MIER1: variants seen among roughly 807,000 people sequenced by gnomAD.
The protein encoded by MIER1 is MIER1 transcriptional regulator.
In MIER1, 40 loss-of-function variants were observed where a neutral mutation model predicts 75.7. That is an observed-to-expected ratio of 0.53 (90% CI 0.41 to 0.69). The LOEUF is 0.69. Ranked by LOEUF, MIER1 falls within the 30% of genes least tolerant of loss-of-function variation. The probability of loss-of-function intolerance (pLI) is 0.00; values close to 1 mark genes in which losing one functional copy is unlikely to be tolerated. For missense variants in MIER1, 574 were observed against 680.2 expected (o/e 0.84, Z 1.74); for synonymous variants, 213 against 223.4 (o/e 0.95, Z 0.42).
At chr1:66,947,356 T>C (rs1322154307) in intron 4 of MIER1, 2 of 152,220 alleles carry the variant, frequency 1.3e-5, no homozygotes, top group African/African-American at 2.4e-5. Context: ...AAATTATAAA[T>C]GTCCAAAACA....
At chr1:66,984,458 C>T in intron 13 of MIER1, 114 bp from the exon 14 acceptor site, 1 of 734,430 alleles carries the variant, frequency 1.4e-6, no homozygotes, top group Non-Finnish European at 2.2e-6. Context: ...AGAATTTAGA[C>T]TATGTATTTG....
intron 13 of MIER1, 45 bp downstream of exon 13, chr1:66,981,963 A>T (rs758159935): frequency 1.2e-6 from 2 of 1,600,650 alleles, no homozygotes. Flanking sequence ...AATAAGGGAC[A>T]CTTTCTTGCA....
intron 4 of MIER1, among the ~76,000 whole-genome samples, chr1:66,953,924 T>G (rs1157106975): frequency 6.6e-6 from 1 of 152,140 alleles, no homozygotes; most frequent in Non-Finnish European, 1.5e-5. Context: ...TTTTCTTGAT[T>G]GAATAAGTAA....
In MIER1 at chr1:66,971,831, G is replaced by T. The variant is rs185562157; in HGVS notation, c.1006+95G>T. On this transcript the variant is annotated intron_variant, in intron 10 of 13. Coordinates refer to ENST00000401041, the MANE Select transcript of MIER1 (RefSeq NM_001077700.3). ...GGTATAGCCTAAACTTAATAATACT[G>T]ATTTTTCTGAGTTTGATAAATATTT... 14 of 593,938 alleles carry T rather than the reference G, an allele frequency of 2.4e-5. No homozygotes were observed. The Admixed American group carries it at 4.0e-4, about 17-fold the overall frequency. 36.8% of individuals were successfully genotyped at this position (593,938 alleles called of 1,614,324 possible). A position where few individuals can be genotyped will look rare whatever the true frequency, so the allele number is the denominator to read the frequency against.
intron 2 of MIER1, among the ~76,000 whole-genome samples, chr1:66,938,491 A>G (rs1324082734): frequency 6.6e-6 from 1 of 152,232 alleles, no homozygotes; most frequent in Admixed American, 6.5e-5. Flanking sequence ...TAACTGCGTG[A>G]AACACAAGTG....
At chr1:66,965,430 G>A (rs572996529) in intron 8 of MIER1, among the ~76,000 whole-genome samples, 72 of 151,730 alleles carry the variant, frequency 4.7e-4, no homozygotes, top group Admixed American at 2.4e-3. Context: ...TAGTTTTATT[G>A]CAGTATACTT....
At chr1:66,981,125 C>G (rs897980616) in intron 12 of MIER1, among the ~76,000 whole-genome samples, 6 of 152,180 alleles carry the variant, frequency 3.9e-5, no homozygotes, top group South Asian at 4.2e-4. Flanking sequence ...AGGTGATACA[C>G]TAAACCTGAG....
chr1:66,934,165 A>G (rs186481871), intron 2 of MIER1, among the ~76,000 whole-genome samples: 22 of 152,336 alleles, frequency 1.4e-4, no homozygotes, highest in African/African-American at 4.8e-4. Flanking sequence ...AAATTTAAAC[A>G]TATCCCATGC....
chr1:66,944,154 C>A (rs531909515), intron 3 of MIER1, among the ~76,000 whole-genome samples: 27 of 152,032 alleles, frequency 1.8e-4, no homozygotes, highest in Non-Finnish European at 1.6e-4. Context: ...AACTGAAGAA[C>A]CCTAAGCTTT....
chr1:66,973,068 A>G (rs1300624902), intron 11 of MIER1, 77 bp downstream of exon 11: 2 of 778,920 alleles, frequency 2.6e-6, no homozygotes, highest in Non-Finnish European at 4.4e-6. Context: ...GTAATTTGTT[A>G]TATTGTCTAG....
chr1:66,951,611 C>T (rs1005409884), intron 4 of MIER1, among the ~76,000 whole-genome samples: 7 of 151,700 alleles, frequency 4.6e-5, no homozygotes, highest in Non-Finnish European at 1.0e-4. Context: ...GACAGGGTCT[C>T]GTTCTGTCGC....
At position 66,986,927 on chromosome 1, in the gene MIER1, T is replaced by G. The variant is rs1016589612; in HGVS notation, c.*2027T>G. On this transcript the variant is annotated 3_prime_UTR_variant, in exon 14 of 14. Coordinates refer to ENST00000401041, the MANE Select transcript of MIER1 (RefSeq NM_001077700.3). ...TTTTTAAAGATTAGGGATGCTGTACTTTTTGAATTGTTGCAGTGTTGGAGA... is the reference window on the plus strand; with the variant it reads ...TTTTTAAAGATTAGGGATGCTGTACGTTTTGAATTGTTGCAGTGTTGGAGA... 1.5e-5 allele frequency: 2 copies of G among 133,992 alleles called. No homozygotes were observed. The highest frequency in any genetic ancestry group is 6.5e-5 in the African/African-American group (2 of 30,756). The allele number at this position is 133,992 out of a possible 1,614,324, so 8.3% of individuals were successfully genotyped here.
intron 7 of MIER1, 121 bp from the exon 8 acceptor site, chr1:66,962,967 G>A (rs1661558683): frequency 1.6e-6 from 1 of 610,882 alleles, no homozygotes; most frequent in South Asian, 2.2e-5. Flanking sequence ...GTAGTTAATT[G>A]GTTGTTTTTG....
chr1:66,948,376 AT>A, intron 4 of MIER1: 1 of 341,618 alleles, frequency 2.9e-6, no homozygotes, highest in East Asian at 1.7e-4. Context: ...ATGTCTCATA[AT>A]TTTAGTTTGT....
chr1:66,929,383 C>T (rs1020352475), intron 2 of MIER1, among the ~76,000 whole-genome samples: 13 of 152,172 alleles, frequency 8.5e-5, no homozygotes, highest in Admixed American at 2.0e-4. Flanking sequence ...GTTTTAATGT[C>T]ACCTTTGTGT....
chr1:66,980,700 T>G (rs932230766), intron 12 of MIER1, among the ~76,000 whole-genome samples: 1 of 152,126 alleles, frequency 6.6e-6, no homozygotes, highest in African/African-American at 2.4e-5. Flanking sequence ...TTTATTGAGT[T>G]TCTTTCTGTT....
intron 2 of MIER1, chr1:66,932,938 T>A (rs1206441748): frequency 6.6e-6 from 1 of 152,138 alleles, no homozygotes; most frequent in Non-Finnish European, 1.5e-5. Context: ...GTGCTTTAGA[T>A]GAGAATAGGA....
intron 8 of MIER1, among the ~76,000 whole-genome samples, chr1:66,969,265 G>A (rs928784537): frequency 6.6e-6 from 1 of 151,988 alleles, no homozygotes; most frequent in African/African-American, 2.4e-5. Context: ...AAATAATACG[G>A]CCGGGCGCGG....
At chr1:66,947,012 C>A (rs950500222) in intron 4 of MIER1, 4 of 985,120 alleles carry the variant, frequency 4.1e-6, no homozygotes, top group African/African-American at 3.5e-5. Context: ...CTGTCTCTGT[C>A]TGGATCAGTG....
Sources: allele counts gnomAD v4.1 joint callset (sites outside exome capture counted in the v4.1 genomes callset), GRCh38; gene constraint gnomAD v4.1.1; transcripts MANE v1.5; gene names NCBI Gene and HGNC (gene_info 2026-07-23, HGNC 2026-07-21).